THSD7B: variants seen among roughly 807,000 people sequenced by gnomAD.
THSD7B encodes the protein thrombospondin type-1 domain-containing protein 7B.
A neutral mutation model predicts 213.6 loss-of-function variants in THSD7B; 138 were observed. That is an observed-to-expected ratio of 0.65 (90% confidence interval 0.56 to 0.74). The LOEUF (loss-of-function observed/expected upper bound fraction) is 0.74. Ranked by LOEUF, THSD7B falls within the 30% of genes least tolerant of loss-of-function variation. The pLI is 0.00. For missense variants in THSD7B, 1,931 were observed against 1,991.5 expected (o/e 0.97, Z 0.58); for synonymous variants, 742 against 687.0 (o/e 1.08, Z -1.25).
chr2:137,342,523 T>C (rs1331450772), intron 12 of THSD7B, among the ~76,000 whole-genome samples: 1 of 151,682 alleles, frequency 6.6e-6, no homozygotes, highest in Non-Finnish European at 1.5e-5. Flanking sequence ...TGCCTAATTG[T>C]TCTGACAAGG....
intron 14 of THSD7B, among the ~76,000 whole-genome samples, chr2:137,426,007 C>G (rs1184010816): frequency 2.0e-5 from 3 of 152,014 alleles, no homozygotes; most frequent in African/African-American, 7.2e-5. Flanking sequence ...AATCAACATA[C>G]AAAAATCAGT....
chr2:137,663,279 G>A (rs1683386589), intron 25 of THSD7B, 104 bp from the exon 26 acceptor site: 1 of 961,474 alleles, frequency 1.0e-6, no homozygotes, highest in Non-Finnish European at 1.4e-6. Context: ...ACCCTACATT[G>A]CCATGATGTA....
chr2:137,446,323 G>T (rs1187361953), intron 14 of THSD7B, among the ~76,000 whole-genome samples: 2 of 152,020 alleles, frequency 1.3e-5, no homozygotes, highest in African/African-American at 4.8e-5. Context: ...ACCTTATTCG[G>T]AGAACTGTGC....
intron 1 of THSD7B, among the ~76,000 whole-genome samples, chr2:136,807,888 A>G (rs1682312447): frequency 6.6e-6 from 1 of 152,144 alleles, no homozygotes; most frequent in South Asian, 2.1e-4. Flanking sequence ...CTTTTGTTGA[A>G]CAGTAGTAAA....
chr2:137,237,206 C>A (rs1416086405), intron 9 of THSD7B, among the ~76,000 whole-genome samples: 3 of 150,840 alleles, frequency 2.0e-5, no homozygotes, highest in East Asian at 3.9e-4. Context: ...AAAATATATT[C>A]ATTGAAATGG....
intron 15 of THSD7B, among the ~76,000 whole-genome samples, chr2:137,537,136 G>A (rs1464420498): frequency 6.6e-6 from 1 of 151,698 alleles, no homozygotes. Context: ...TCCAATGCAT[G>A]GGCAGTCATC....
At chr2:137,388,770 T>A (rs1685950689) in intron 12 of THSD7B, among the ~76,000 whole-genome samples, 1 of 152,152 alleles carries the variant, frequency 6.6e-6, no homozygotes, top group South Asian at 2.1e-4. Flanking sequence ...ATGCATTATT[T>A]GTCTTTCTGC....
At chr2:137,496,960 T>A (rs1679582772) in intron 15 of THSD7B, among the ~76,000 whole-genome samples, 1 of 152,118 alleles carries the variant, frequency 6.6e-6, no homozygotes, top group Non-Finnish European at 1.5e-5. Context: ...ATTGCAGAAG[T>A]GGAAGGCAAA....
chr2:137,063,867 GACT>G (rs1396249414), intron 3 of THSD7B, among the ~76,000 whole-genome samples: 2 of 152,002 alleles, frequency 1.3e-5, no homozygotes, highest in Non-Finnish European at 2.9e-5. Flanking sequence ...TTTTATAGCT[GACT>G]AGTACTCCAT....
chr2:137,616,618 C>T (rs1682392454), intron 18 of THSD7B, among the ~76,000 whole-genome samples: 1 of 152,114 alleles, frequency 6.6e-6, no homozygotes, highest in Non-Finnish European at 1.5e-5. Flanking sequence ...AAATAAGTAG[C>T]AGAGAATAAT....
At chr2:137,071,194 T>A (rs2104891696) in intron 3 of THSD7B, among the ~76,000 whole-genome samples, 1 of 152,262 alleles carries the variant, frequency 6.6e-6, no homozygotes, top group Middle Eastern at 3.4e-3. Context: ...GTAAAAGTAT[T>A]CCTGTTTCTC....
chr2:137,168,062 G>A lies in THSD7B; in HGVS notation c.1526-2679G>A, dbSNP rs1680171672. ...TTTTCACACATGCAAAATGGGAATA[G>A]TAACTTATAACATAGTTTTGAGGCT... On this transcript the variant is annotated intron_variant, in intron 6 of 27. Coordinates refer to ENST00000409968, the MANE Select transcript of THSD7B (RefSeq NM_001316349.2). 4.6e-5 allele frequency among the ~76,000 whole-genome samples: 7 copies of A among 152,192 alleles called. No individual in the cohort carries two copies. The South Asian group carries it at 1.2e-3, about 27-fold the overall frequency.
At chr2:137,547,184 A>G (rs937971378) in intron 15 of THSD7B, among the ~76,000 whole-genome samples, 3 of 152,002 alleles carry the variant, frequency 2.0e-5, no homozygotes, top group Admixed American at 6.6e-5. Flanking sequence ...TATCCAATCA[A>G]TTTTGCTTCT....
rs1213153816 is a variant in THSD7B at position 137,397,534 on chromosome 2, G to A, written c.2501-8079G>A. On this transcript the variant is annotated intron_variant, in intron 12 of 27. Coordinates refer to ENST00000409968, the MANE Select transcript of THSD7B (RefSeq NM_001316349.2). ...TTGTAGGGTTTCTGCCAAGAGATCC[G>A]CTGTTAGTCTGATGGGCTTCCCTTT... Among the ~76,000 whole-genome samples the A allele has an allele frequency of 1.2e-3, 187 of 151,658 alleles. 1 individual carries two copies. Among genetic ancestry groups the A allele is most frequent in the African/African-American group, 4.1e-3 (170 of 41,370 alleles).
chr2:136,896,880 T>C (rs544423152), intron 2 of THSD7B, among the ~76,000 whole-genome samples: 1 of 152,116 alleles, frequency 6.6e-6, no homozygotes, highest in East Asian at 1.9e-4. Flanking sequence ...CTGGAATGTC[T>C]GTTCTGTTCC....
At chr2:137,667,016 T>C (rs1683461124) in intron 26 of THSD7B, among the ~76,000 whole-genome samples, 2 of 152,160 alleles carry the variant, frequency 1.3e-5, no homozygotes, top group African/African-American at 4.8e-5. Flanking sequence ...TAGCATCATT[T>C]TGGAAGTAGA....
intron 12 of THSD7B, among the ~76,000 whole-genome samples, chr2:137,401,706 C>G (rs1053042910): frequency 2.1e-4 from 31 of 148,594 alleles, no homozygotes; most frequent in Non-Finnish European, 8.9e-5. Context: ...ATTAAGAGAG[C>G]TGTGGTCTTC....
At chr2:136,965,613 A>G (rs1057135400) in intron 2 of THSD7B, among the ~76,000 whole-genome samples, 4 of 152,054 alleles carry the variant, frequency 2.6e-5, no homozygotes, top group African/African-American at 9.7e-5. Flanking sequence ...GGCATTTCTA[A>G]GGCCCCTTTC....
chr2:137,649,355 A>G (rs1268133006), intron 21 of THSD7B, among the ~76,000 whole-genome samples: 1 of 152,212 alleles, frequency 6.6e-6, no homozygotes, highest in Non-Finnish European at 1.5e-5. Context: ...TTCCCAGACC[A>G]ATATCCTGGA....
Sources: allele counts gnomAD v4.1 joint callset (sites outside exome capture counted in the v4.1 genomes callset), GRCh38; gene constraint gnomAD v4.1.1; transcripts MANE v1.5; gene names NCBI Gene and HGNC (gene_info 2026-07-23, HGNC 2026-07-21).